CD9: variants seen among roughly 807,000 people sequenced by gnomAD.
CD9 encodes CD9 antigen.
CD9 carries 10 observed loss-of-function variants against 31.4 expected under a neutral mutation model. The observed-to-expected ratio is 0.32, with a 90% CI of 0.20 to 0.54. The LOEUF is 0.54. Ranked by LOEUF, CD9 falls within the 20% of genes least tolerant of loss-of-function variation. The probability of loss-of-function intolerance (pLI) is 0.94; values close to 1 mark genes in which losing one functional copy is unlikely to be tolerated. For missense variants in CD9, 259 were observed against 300.1 expected (o/e 0.86, Z 1.01); for synonymous variants, 113 against 114.1 (o/e 0.99, Z 0.06).
At chr12:6,208,569 GT>G (rs1946157670) in intron 1 of CD9, among the ~76,000 whole-genome samples, 2 of 151,928 alleles carry the variant, frequency 1.3e-5, no homozygotes, top group African/African-American at 4.8e-5. Context: ...TTGTTTGTTT[GT>G]TTTTGTTCTT....
At chr12:6,210,272 A>G (rs1454757163) in intron 1 of CD9, among the ~76,000 whole-genome samples, 1 of 152,208 alleles carries the variant, frequency 6.6e-6, no homozygotes, top group Non-Finnish European at 1.5e-5. Flanking sequence ...GGTCCCGTCT[A>G]TGGACACAAT....
At position 6,236,257 on chromosome 12, in the gene CD9, C is replaced by T. The variant is rs139806636; in HGVS notation, c.603C>T (p.Ile201=). The T allele has an allele frequency of 3.7e-6, 6 of 1,614,052 alleles. No individual in the cohort carries two copies. Among genetic ancestry groups the T allele is most frequent in the Non-Finnish European group, 3.4e-6 (4 of 1,180,010 alleles). ...NKFHIIGAVG[I]GIAVVMIFGM... The stretch of plus-strand genomic sequence containing the variant: ...TCCACATCATCGGCGCAGTGGGCAT[C>T]GGCATTGCCGTGGTCATGGTGAGTG... Residue 201 remains isoleucine, a synonymous_variant, in exon 7 of 8, where the codon ATC becomes ATT. Coordinates refer to ENST00000009180, the MANE Select transcript of CD9 (RefSeq NM_001769.4).
chr12:6,229,957 A>T (rs1332987748), intron 2 of CD9, among the ~76,000 whole-genome samples: 1 of 152,216 alleles, frequency 6.6e-6, no homozygotes, highest in Non-Finnish European at 1.5e-5. Context: ...CAGCAAGCTA[A>T]CATTCGCTTG....
chr12:6,204,378 A>G (rs1255410968), intron 1 of CD9, among the ~76,000 whole-genome samples: 1 of 152,208 alleles, frequency 6.6e-6, no homozygotes, highest in Non-Finnish European at 1.5e-5. Context: ...CCCTAAATCT[A>G]TAAATAATAA....
chr12:6,232,732 G>C lies in CD9; in HGVS notation c.273+3G>C. On this transcript the variant is annotated splice_donor_region_variant and intron_variant, in intron 3 of 7. Coordinates refer to ENST00000009180, the MANE Select transcript of CD9 (RefSeq NM_001769.4). This position sits in a 1 kb window ranked among gnomAD's most constrained non-coding sequence, Gnocchi z 4.8. ...AGTCCCAGTGCATGCTGGGACTGGT[G>C]AGTATCCCCTCGGCATCCCCACAGC... is the stretch of plus-strand genomic sequence containing the variant. 6.5e-7 allele frequency: 1 copy of C among 1,545,500 alleles called. No homozygotes were observed.
chr12:6,227,329 G>A (rs1946382314), intron 2 of CD9, among the ~76,000 whole-genome samples: 1 of 152,040 alleles, frequency 6.6e-6, no homozygotes, highest in African/African-American at 2.4e-5. Flanking sequence ...CTCCTGAGTA[G>A]CTGGGATTAC....
In CD9 at chr12:6,210,897, C is replaced by T. The variant is rs138439381; in HGVS notation, c.66+10332C>T. Among the ~76,000 whole-genome samples, 175 of 145,382 alleles carry T rather than the reference C, an allele frequency of 1.2e-3. 4 individuals carry two copies. The East Asian group carries it at 0.032, about 27-fold the overall frequency. On this transcript the variant is annotated intron_variant, in intron 1 of 7. Transcript: ENST00000009180. ...CTGTTGCCAGGCTGGAGTGCAGTGG[C>T]GTGGTCTTGGGTCACTGCAACCTCT...
At chr12:6,226,464 A>G (rs1946368011) in intron 2 of CD9, 1 of 152,132 alleles carries the variant, frequency 6.6e-6, no homozygotes, top group African/African-American at 2.4e-5. Flanking sequence ...CTTCCTTCCC[A>G]CCCACCAAAA....
At chr12:6,203,749 G>A (rs1355400937) in intron 1 of CD9, among the ~76,000 whole-genome samples, 1 of 152,058 alleles carries the variant, frequency 6.6e-6, no homozygotes, top group Non-Finnish European at 1.5e-5. Flanking sequence ...ATGTCCATGT[G>A]GTAGACACAC....
intron 1 of CD9, among the ~76,000 whole-genome samples, chr12:6,224,812 G>A (rs963274771): frequency 9.9e-5 from 15 of 152,146 alleles, no homozygotes; most frequent in African/African-American, 3.4e-4. Flanking sequence ...TTACTGAGCA[G>A]CAGGTCTCCA....
chr12:6,209,752 T>G (rs1287652352), intron 1 of CD9, among the ~76,000 whole-genome samples: 1 of 148,728 alleles, frequency 6.7e-6, no homozygotes, highest in Non-Finnish European at 1.5e-5. Context: ...TGGCACAATC[T>G]CGGCTCACTG....
Position 6,232,602 on chromosome 12 carries a change from C to A in CD9, c.176-30C>A. ...CTGGGCCTCTGAACTGATGTCTCCA[C>A]GCGTGTGTGCTTCCTCTGTCCTCCC... On this transcript the variant is annotated intron_variant, in intron 2 of 7. Coordinates refer to ENST00000009180, the MANE Select transcript of CD9 (RefSeq NM_001769.4). The surrounding 1 kb of genome is among the most constrained non-coding windows in gnomAD (Gnocchi z 4.8). 1 of 1,405,738 alleles carries A rather than the reference C, an allele frequency of 7.1e-7. No individual in the cohort carries two copies. Among genetic ancestry groups the A allele is most frequent in the Non-Finnish European group, 9.8e-7 (1 of 1,018,528 alleles). 87.1% of individuals were successfully genotyped at this position (1,405,738 alleles called of 1,614,324 possible).
intron 1 of CD9, among the ~76,000 whole-genome samples, chr12:6,210,704 G>T (rs921016410): frequency 1.3e-5 from 2 of 152,186 alleles, no homozygotes; most frequent in African/African-American, 4.8e-5. Context: ...TCTGGCTTCA[G>T]AATAGAAGAA....
At chr12:6,213,594 C>T (rs764614243) in intron 1 of CD9, among the ~76,000 whole-genome samples, 7 of 152,228 alleles carry the variant, frequency 4.6e-5, no homozygotes, top group Non-Finnish European at 5.9e-5. Context: ...ACTCCTTGTG[C>T]CTTCCAAAAG....
intron 1 of CD9, among the ~76,000 whole-genome samples, chr12:6,222,085 T>G (rs964477724): frequency 3.2e-4 from 48 of 152,280 alleles, no homozygotes; most frequent in African/African-American, 1.2e-3. Flanking sequence ...AGAAAATACT[T>G]CAGAGCGCCT....
chr12:6,209,125 C>G (rs1028602325), intron 1 of CD9, among the ~76,000 whole-genome samples: 1 of 152,092 alleles, frequency 6.6e-6, no homozygotes, highest in Non-Finnish European at 1.5e-5. Context: ...CATGCCACCA[C>G]GCCCAGCTAA....
At chr12:6,215,241 C>T (rs1162164129) in intron 1 of CD9, among the ~76,000 whole-genome samples, 1 of 152,220 alleles carries the variant, frequency 6.6e-6, no homozygotes, top group African/African-American at 2.4e-5. Context: ...TCACACCTCC[C>T]ATCCATGCCT....
intron 1 of CD9, among the ~76,000 whole-genome samples, chr12:6,217,907 G>A (rs1946257689): frequency 6.6e-6 from 1 of 152,100 alleles, no homozygotes; most frequent in Non-Finnish European, 1.5e-5. Context: ...CTGAATAGAG[G>A]AAGCATAACA....
chr12:6,212,883 A>G (rs1032338493), intron 1 of CD9, among the ~76,000 whole-genome samples: 4 of 152,136 alleles, frequency 2.6e-5, no homozygotes, highest in Admixed American at 1.3e-4. Context: ...TATGGTATAA[A>G]AGAGTGACAT....
Sources: allele counts gnomAD v4.1 joint callset (sites outside exome capture counted in the v4.1 genomes callset), GRCh38; gene constraint gnomAD v4.1.1; non-coding constraint Gnocchi (gnomAD v3.1); transcripts MANE v1.5; gene names NCBI Gene and HGNC (gene_info 2026-07-23, HGNC 2026-07-21).